The following COPG2 variants were observed in gnomAD, a reference collection of about 807,000 sequenced individuals.
COPG2 encodes coat protein complex I subunit gamma 2.
In COPG2, 37 loss-of-function variants were observed where a neutral mutation model predicts 46.3. That is an observed-to-expected ratio of 0.80 (90% CI 0.61 to 1.05). The LOEUF is 1.05. Among genes scored for constraint, COPG2 ranks in the 50% least tolerant of loss-of-function variants. COPG2 has a pLI of 0.00. For missense variants in COPG2, 427 were observed against 387.8 expected, an observed-to-expected ratio of 1.10 and a Z score of -0.85; for synonymous variants, 159 against 129.7, an observed-to-expected ratio of 1.23 and a Z score of -1.53.
chr7:130,533,254 A>G (rs1799846311), intron 20 of COPG2, among the ~76,000 whole-genome samples: 1 of 149,178 alleles, frequency 6.7e-6, no homozygotes, highest in East Asian at 2.1e-4. Context: ...GTGAAGCAAA[A>G]TATTCACAAG....
intron 9 of COPG2, among the ~76,000 whole-genome samples, chr7:130,577,542 A>G (rs1464152050): frequency 6.6e-6 from 1 of 151,790 alleles, no homozygotes; most frequent in Non-Finnish European, 1.5e-5. Context: ...CGGGTGGATC[A>G]TGAGGTCAGG....
intron 5 of COPG2, among the ~76,000 whole-genome samples, chr7:130,629,487 C>T (rs992015757): frequency 4.1e-4 from 61 of 150,408 alleles, no homozygotes; most frequent in African/African-American, 1.3e-3. Flanking sequence ...CTCTGCCTCC[C>T]GGGTTCAAGC....
At chr7:130,534,832 C>T (rs1308235634) in intron 20 of COPG2, among the ~76,000 whole-genome samples, 1 of 151,476 alleles carries the variant, frequency 6.6e-6, no homozygotes, top group Non-Finnish European at 1.5e-5. Flanking sequence ...CTCACTGGGG[C>T]CCTATCCAAG....
intron 4 of COPG2, among the ~76,000 whole-genome samples, chr7:130,656,273 GA>G (rs1795851624): frequency 6.6e-6 from 1 of 151,178 alleles, no homozygotes; most frequent in East Asian, 1.9e-4. Flanking sequence ...AAAAATCAAT[GA>G]AACAGAAAGC....
intron 9 of COPG2, among the ~76,000 whole-genome samples, chr7:130,577,201 A>C (rs1183959944): frequency 1.3e-5 from 2 of 152,248 alleles, no homozygotes; most frequent in Non-Finnish European, 2.9e-5. Flanking sequence ...TCCCGTCTAC[A>C]GCTCCCAGTG....
intron 3 of COPG2, among the ~76,000 whole-genome samples, chr7:130,666,232 C>A (rs1201460279): frequency 6.6e-6 from 1 of 152,112 alleles, no homozygotes; most frequent in Non-Finnish European, 1.5e-5. Flanking sequence ...ACAATCAAAG[C>A]TTTAAAACAT....
rs1291379053 is a variant in COPG2, at chr7:130,590,990, G to A, written c.737+19963C>T. 9.3e-5 allele frequency among the ~76,000 whole-genome samples: 14 copies of A among 150,596 alleles called. 1 individual carries two copies. Among genetic ancestry groups the A allele is most frequent in the South Asian group, 4.2e-4 (2 of 4,732 alleles). ...AGCCCCTCCGCCCGGCAGCCACCCC[G>A]TCTGGGAAGTGAGGAGCGTCTCTGC... On this transcript the variant is annotated intron_variant, in intron 9 of 23. Transcript: ENST00000425248.
At chr7:130,628,201 A>G (rs1221383347) in intron 5 of COPG2, among the ~76,000 whole-genome samples, 2 of 152,010 alleles carry the variant, frequency 1.3e-5, no homozygotes, top group African/African-American at 4.8e-5. Flanking sequence ...GGCTAGTTTT[A>G]TATTTGTTCC....
chr7:130,509,579 C>A (rs557064018), intron 20 of COPG2: 6 of 444,294 alleles, frequency 1.4e-5, no homozygotes, highest in Non-Finnish European at 2.8e-5. Flanking sequence ...TCTGCTCAGT[C>A]TTGACTTTAA....
chr7:130,603,297 G>A (rs1241523433), intron 9 of COPG2, among the ~76,000 whole-genome samples: 1 of 152,066 alleles, frequency 6.6e-6, no homozygotes, highest in Non-Finnish European at 1.5e-5. Context: ...ATGACTTCTT[G>A]GTGAGATGTA....
intron 5 of COPG2, among the ~76,000 whole-genome samples, chr7:130,631,456 C>T (rs1554455193): frequency 6.6e-6 from 1 of 151,986 alleles, no homozygotes; most frequent in African/African-American, 2.4e-5. Flanking sequence ...CTGCACCTGG[C>T]CTGAATTTTG....
intron 9 of COPG2, among the ~76,000 whole-genome samples, chr7:130,573,696 A>G (rs1793951493): frequency 6.6e-6 from 1 of 152,142 alleles, no homozygotes; most frequent in African/African-American, 2.4e-5. Context: ...ACAAAAGTCA[A>G]TTGACAAAAT....
intron 12 of COPG2, among the ~76,000 whole-genome samples, chr7:130,557,813 A>G: frequency 7.0e-6 from 1 of 142,080 alleles, no homozygotes; most frequent in Non-Finnish European, 1.5e-5. Context: ...ATGAAACTCC[A>G]TCTCAAAAAA....
At chr7:130,523,438 G>T (rs1302151531) in intron 20 of COPG2, among the ~76,000 whole-genome samples, 2 of 152,174 alleles carry the variant, frequency 1.3e-5, no homozygotes, top group African/African-American at 4.8e-5. Flanking sequence ...CTGCATCCTC[G>T]GGTGAGAATC....
chr7:130,610,749 ATAAT>A, intron 9 of COPG2, 200 bp downstream of exon 9: 6 of 660,124 alleles, frequency 9.1e-6, no homozygotes, highest in South Asian at 6.7e-5. Flanking sequence ...TGTGCTATTA[ATAAT>A]TAAGTACATA....
intron 5 of COPG2, among the ~76,000 whole-genome samples, chr7:130,631,878 C>G (rs1554455261): frequency 2.0e-5 from 3 of 152,062 alleles, no homozygotes; most frequent in African/African-American, 7.2e-5. Flanking sequence ...CATTTTCATC[C>G]TGGTGAAAAA....
At chr7:130,631,930 CT>C (rs1377318662) in intron 5 of COPG2, among the ~76,000 whole-genome samples, 1 of 152,158 alleles carries the variant, frequency 6.6e-6, no homozygotes, top group Non-Finnish European at 1.5e-5. Flanking sequence ...GAGATAAATT[CT>C]TTCAGCGGTT....
At chr7:130,509,318 A>G (rs782611579) in intron 20 of COPG2, 1 of 509,146 alleles carries the variant, frequency 2.0e-6, no homozygotes, top group South Asian at 1.5e-5. Flanking sequence ...GTGGGGGTAC[A>G]TTTTTGGAAA....
At chr7:130,629,169 T>C (rs922917559) in intron 5 of COPG2, among the ~76,000 whole-genome samples, 2 of 152,222 alleles carry the variant, frequency 1.3e-5, no homozygotes, top group African/African-American at 2.4e-5. Flanking sequence ...ATTTGTATAA[T>C]GTTTTGTCCT....
Sources: allele counts gnomAD v4.1 joint callset (sites outside exome capture counted in the v4.1 genomes callset), GRCh38; gene constraint gnomAD v4.1.1; transcripts MANE v1.5; gene names NCBI Gene and HGNC (gene_info 2026-07-23, HGNC 2026-07-21).